The following ZNF346 variants were observed in gnomAD, a reference collection of about 807,000 sequenced individuals.
The protein encoded by ZNF346 is double-stranded RNA-binding zinc finger protein JAZ.
Under a neutral mutation model 33.7 loss-of-function variants are expected in ZNF346, and 23 were observed. That is an observed-to-expected ratio of 0.68 (90% confidence interval 0.49 to 0.97). The LOEUF (loss-of-function observed/expected upper bound fraction) is 0.97, where lower values mean the gene tolerates loss of function less well. ZNF346 is among the 50% of genes least tolerant of loss of function. The pLI, the probability that ZNF346 is intolerant of heterozygous loss-of-function variation, is 0.00. For missense variants in ZNF346, 340 were observed against 371.1 expected, an observed-to-expected ratio of 0.92 and a Z score of 0.69; for synonymous variants, 134 against 142.4, an observed-to-expected ratio of 0.94 and a Z score of 0.42.
chr5:177,054,793 C>T lies in ZNF346; in HGVS notation c.703+3857C>T, dbSNP rs142177778. Reference sequence around the variant, plus strand: ...GCAGATGTTGAGTGGGGAGTGGTGGCGGGACTACTGTAATGATTGCATAGT... The same window carrying T: ...GCAGATGTTGAGTGGGGAGTGGTGGTGGGACTACTGTAATGATTGCATAGT... On this transcript the variant is annotated intron_variant, in intron 5 of 6. Coordinates refer to ENST00000358149, the MANE Select transcript of ZNF346 (RefSeq NM_012279.4). 9.1e-3 allele frequency among the ~76,000 whole-genome samples: 1,389 copies of T among 152,096 alleles called. 8 individuals are homozygous for T. The highest frequency in any genetic ancestry group is 0.025 in the South Asian group (120 of 4,816).
At chr5:177,055,665 G>T (rs569882661) in intron 5 of ZNF346, among the ~76,000 whole-genome samples, 1 of 145,540 alleles carries the variant, frequency 6.9e-6, no homozygotes, top group South Asian at 2.1e-4. Flanking sequence ...CTAGGGCCAG[G>T]CACAGTGGCT....
At position 177,064,990 on chromosome 5, in the gene ZNF346, T is replaced by C. The variant is rs1184723953; in HGVS notation, c.*391T>C. Reference sequence around the variant, plus strand: ...CAGAGATCTCTCTGGGCCCTAGACATTTCCAGCAAAACCTGGAACTTTCAT... The same window carrying C: ...CAGAGATCTCTCTGGGCCCTAGACACTTCCAGCAAAACCTGGAACTTTCAT... On this transcript the variant is annotated 3_prime_UTR_variant, in exon 7 of 7. Transcript: ENST00000358149. 5.8e-6 allele frequency: 1 copy of C among 172,442 alleles called. No homozygotes were observed. The highest frequency in any genetic ancestry group is 2.4e-5 in the African/African-American group (1 of 42,170). 10.7% of individuals were successfully genotyped at this position (172,442 alleles called of 1,614,324 possible). A position where few individuals can be genotyped will look rare whatever the true frequency, so the allele number is the denominator to read the frequency against.
At chr5:177,057,659 G>C (rs2149689130) in intron 5 of ZNF346, among the ~76,000 whole-genome samples, 1 of 151,482 alleles carries the variant, frequency 6.6e-6, no homozygotes, top group East Asian at 2.0e-4. Flanking sequence ...AATCGCTTGA[G>C]CCTGGGAGGC....
intron 1 of ZNF346, among the ~76,000 whole-genome samples, chr5:177,038,268 TGTGTGTGTGTGTTTTTTAA>T (rs1778820439): frequency 3.6e-5 from 5 of 140,052 alleles, no homozygotes; most frequent in South Asian, 4.6e-4. Flanking sequence ...TTTTTTTTTT[TGTGTGTGTGTGTTTTTTAA>T]TTTTTGTAGA....
At chr5:177,071,186 A>G (rs1316467468), downstream of ZNF346, among the ~76,000 whole-genome samples, 2 of 152,096 alleles carry the variant, frequency 1.3e-5, no homozygotes, top group Admixed American at 6.6e-5. Context: ...GTTAGAAGAA[A>G]TCACAGTTCC....
intron 4 of ZNF346, 28 bp downstream of exon 4, chr5:177,044,561 G>A: frequency 6.2e-7 from 1 of 1,611,892 alleles, no homozygotes; most frequent in Non-Finnish European, 8.5e-7. Context: ...TAGTGCTATA[G>A]TGGGACCCCT....
intron 1 of ZNF346, among the ~76,000 whole-genome samples, chr5:177,038,262 T>TG (rs1554145660): frequency 6.7e-6 from 1 of 148,546 alleles, no homozygotes; most frequent in African/African-American, 2.5e-5. Flanking sequence ...CTACGTTTTT[T>TG]TTTTTTGTGT....
At chr5:177,023,565 G>T (rs908098546) in intron 1 of ZNF346, among the ~76,000 whole-genome samples, 1 of 152,180 alleles carries the variant, frequency 6.6e-6, no homozygotes, top group African/African-American at 2.4e-5. Flanking sequence ...GCAAAGCCAC[G>T]TTAGGGGTCA....
Position 177,022,836 on chromosome 5 carries a change from G to A in ZNF346, c.98G>A (p.Gly33Glu). 2 of 1,538,734 alleles carry A rather than the reference G, an allele frequency of 1.3e-6. No homozygotes were observed. The highest frequency in any genetic ancestry group is 1.8e-6 in the Non-Finnish European group (2 of 1,142,010). Residue 33 changes from glycine (G) to glutamate (E), a missense_variant, in exon 1 of 7, where the codon GGG becomes GAG. Physicochemically the swap from Gly to Glu is moderately conservative, Grantham distance 98. Coordinates refer to ENST00000358149, the MANE Select transcript of ZNF346 (RefSeq NM_012279.4). ...TTGCTGGAGGGCCAGGAGCCGGACG[G>A]GGTGCGCTTTGACCGCGAGAGGGCG... ...SELLEGQEPD[G>E]VRFDRERARR...
In ZNF346 at chr5:177,067,560, G is replaced by A. The variant is rs759003915; in HGVS notation, c.*2961G>A. Among the ~76,000 whole-genome samples the A allele has an allele frequency of 3.3e-5, 5 of 152,184 alleles. No individual in the cohort carries two copies. The highest frequency in any genetic ancestry group is 7.4e-5 in the Non-Finnish European group (5 of 68,026). On this transcript the variant is annotated 3_prime_UTR_variant, in exon 7 of 7. Transcript: ENST00000358149. Reference sequence around the variant, plus strand: ...CAGGGGGTGAGTGGGCTATCATACCGTGAGCCTCCGGCCTGCAAGACCACT... The same window carrying A: ...CAGGGGGTGAGTGGGCTATCATACCATGAGCCTCCGGCCTGCAAGACCACT...
intron 5 of ZNF346, among the ~76,000 whole-genome samples, chr5:177,053,317 C>CAAAAA (rs754883910): frequency 2.3e-5 from 2 of 87,364 alleles, no homozygotes; most frequent in Admixed American, 1.5e-4. Context: ...GACTTCATCT[C>CAAAAA]AAAAAAAAAA....
chr5:177,061,583 G>GC (rs1782556805), intron 5 of ZNF346, among the ~76,000 whole-genome samples: 1 of 152,216 alleles, frequency 6.6e-6, no homozygotes, highest in East Asian at 1.9e-4. Context: ...TGTCATTGGA[G>GC]CAGCCCTGAG....
intron 5 of ZNF346, among the ~76,000 whole-genome samples, chr5:177,060,102 C>CT (rs1782283892): frequency 6.6e-6 from 1 of 152,198 alleles, no homozygotes. Flanking sequence ...CCTGAGAGCA[C>CT]TGGGACTGGG....
chr5:177,037,602 A>C (rs1778679789), intron 1 of ZNF346, among the ~76,000 whole-genome samples: 1 of 152,166 alleles, frequency 6.6e-6, no homozygotes, highest in African/African-American at 2.4e-5. Context: ...ATCAGATGTC[A>C]AACCTATTGC....
In ZNF346 at chr5:177,022,807, G is replaced by A; in HGVS notation, c.69G>A (p.Ser23=). 3 of 1,543,038 alleles carry A rather than the reference G, an allele frequency of 1.9e-6. No homozygotes were observed. Among genetic ancestry groups the A allele is most frequent in the Non-Finnish European group, 1.7e-6 (2 of 1,145,216 alleles). ...GAGCGGCCGGGCCTTACAGCAGCTC[G>A]GAGTTGCTGGAGGGCCAGGAGCCGG... ...DGGAAGPYSS[S]ELLEGQEPDG... Residue 23 remains serine (S), a synonymous_variant, in exon 1 of 7, where the codon TCG becomes TCA. Transcript: ENST00000358149.
At chr5:177,046,929 A>G (rs1334029774) in intron 4 of ZNF346, among the ~76,000 whole-genome samples, 1 of 151,972 alleles carries the variant, frequency 6.6e-6, no homozygotes, top group Non-Finnish European at 1.5e-5. Flanking sequence ...CCTAAATCCT[A>G]CACCAAGAGA....
intron 5 of ZNF346, among the ~76,000 whole-genome samples, chr5:177,061,258 G>A (rs1286242386): frequency 1.3e-5 from 2 of 151,906 alleles, no homozygotes; most frequent in East Asian, 1.9e-4. Flanking sequence ...CATCATGGCC[G>A]ACATGATAAA....
At chr5:177,023,113 C>G (rs1221675534) in intron 1 of ZNF346, 200 bp downstream of exon 1, 1 of 1,474,220 alleles carries the variant, frequency 6.8e-7, no homozygotes, top group Non-Finnish European at 9.2e-7. Context: ...GGGCCGCTCA[C>G]GCTCAGGCCC....
intron 1 of ZNF346, among the ~76,000 whole-genome samples, chr5:177,038,876 TTGTGTGTGTG>T (rs56812954): frequency 6.7e-4 from 91 of 135,450 alleles, no homozygotes; most frequent in Admixed American, 1.1e-3. Flanking sequence ...CTTCTTCTTC[TTGTGTGTGTG>T]TGTGTGTGTG....
Sources: allele counts gnomAD v4.1 joint callset (sites outside exome capture counted in the v4.1 genomes callset), GRCh38; gene constraint gnomAD v4.1.1; transcripts MANE v1.5; gene names NCBI Gene and HGNC (gene_info 2026-07-23, HGNC 2026-07-21).